Variants in MPP3 observed in about 807,000 individuals in gnomAD.
MPP3 encodes MAGUK p55 subfamily member 3.
MPP3 carries 48 observed loss-of-function variants against 80.7 expected under a neutral mutation model. The observed-to-expected ratio is 0.59, with a 90% confidence interval of 0.47 to 0.76. MPP3 has a LOEUF of 0.76. Ranked by LOEUF, MPP3 falls within the 30% of genes least tolerant of loss-of-function variation. The pLI is 0.00. For synonymous variants in MPP3, 311 were observed against 297.6 expected (o/e 1.04, Z -0.46); for missense variants, 620 against 763.0 (o/e 0.81, Z 2.21).
In MPP3 at chr17:43,814,341, G is replaced by A. The variant is rs369418166; in HGVS notation, c.1030C>T (p.Arg344Trp). 1.2e-5 allele frequency: 19 copies of A among 1,605,646 alleles called. No individual in the cohort carries two copies. Among genetic ancestry groups the A allele is most frequent in the Non-Finnish European group, 1.4e-5 (17 of 1,178,768 alleles). The change falls in exon 15 of 20, where the codon CGG becomes TGG. Residue 344 changes from arginine (R) to tryptophan (W), a missense_variant. Coordinates refer to ENST00000398389, the MANE Select transcript of MPP3 (RefSeq NM_001932.6). Reference sequence around the variant, plus strand: ...CCCAGTCTCTCCCTACAGCCCAGCCGGAAGCTCCTCCGAAGACCAGCTTGG... The same window carrying A: ...CCCAGTCTCTCCCTACAGCCCAGCCAGAAGCTCCTCCGAAGACCAGCTTGG... ...HYVAGLRRSF[R>W]LGCRERLGGS... is the part of the protein sequence containing the mutation.
intron 9 of MPP3, chr17:43,825,375 T>G: frequency 5.6e-6 from 1 of 178,612 alleles, no homozygotes; most frequent in South Asian, 1.5e-4. Context: ...AGAAACTCTA[T>G]CCCAACGTTA....
rs746650149 is a variant in MPP3, at chr17:43,818,068, G to A, written c.924C>T (p.Pro308=). 2.4e-5 allele frequency: 38 copies of A among 1,580,374 alleles called. No individual in the cohort carries two copies. The highest frequency in any genetic ancestry group is 3.3e-5 in the Non-Finnish European group (38 of 1,162,410). The change falls in exon 12 of 20, where the codon CCC becomes CCT. Residue 308 remains proline, a synonymous_variant. Coordinates refer to ENST00000398389, the MANE Select transcript of MPP3 (RefSeq NM_001932.6). ...YRRAAGTLPS[P]QSLRKPPYDQ... ...CACAGGGGGGCTTCCTGAGGCTCTG[G>A]GGGCTCGGCAGGGTGCCCGCGGCTC...
At chr17:43,826,626 C>T (rs1019538565) in intron 8 of MPP3, among the ~76,000 whole-genome samples, 4 of 152,114 alleles carry the variant, frequency 2.6e-5, no homozygotes, top group East Asian at 1.9e-4. Flanking sequence ...TCTACCCAAA[C>T]GAATCTGGGG....
At chr17:43,827,962 C>T in intron 7 of MPP3, 130 bp from the exon 8 acceptor site, 1 of 802,410 alleles carries the variant, frequency 1.2e-6, no homozygotes. Context: ...GGGACCTTCC[C>T]AATGCTGAAG....
At chr17:43,826,836 T>A (rs542293054) in intron 8 of MPP3, among the ~76,000 whole-genome samples, 2,250 of 145,450 alleles carry the variant, frequency 0.015, 74 homozygotes, top group African/African-American at 0.058. Flanking sequence ...ATATATTTTT[T>A]TTTTTTTTCT....
chr17:43,810,935 G>A lies in MPP3; in HGVS notation c.1350-20C>T. 6.4e-7 allele frequency: 1 copy of A among 1,566,748 alleles called. No individual in the cohort carries two copies. The highest frequency in any genetic ancestry group is 1.2e-5 in the South Asian group (1 of 86,064). ...AGGAACCTAAAACACCACCAAAGGG[G>A]AAAAGGCCTTTAGTTCCTCAGCTTT... On this transcript the variant is annotated intron_variant, in intron 17 of 19. Transcript: ENST00000398389.
chr17:43,817,991 CCCTCG>C, intron 12 of MPP3, 50 bp downstream of exon 12: 1 of 1,497,128 alleles, frequency 6.7e-7, no homozygotes, highest in Non-Finnish European at 9.0e-7. Flanking sequence ...CCTGAATCCT[CCCTCG>C]CCCTAACCCC....
chr17:43,815,919 A>T, intron 14 of MPP3, 119 bp downstream of exon 14: 1 of 933,434 alleles, frequency 1.1e-6, no homozygotes, highest in Non-Finnish European at 1.6e-6. Context: ...GGGGTCCCAT[A>T]GGCTCCACTG....
intron 18 of MPP3, among the ~76,000 whole-genome samples, chr17:43,810,195 GA>G (rs994330832): frequency 4.6e-5 from 7 of 151,948 alleles, no homozygotes; most frequent in Admixed American, 6.6e-5. Context: ...CTATAGAGGG[GA>G]AAAAAAATCC....
chr17:43,827,719 G>A, intron 8 of MPP3, 32 bp downstream of exon 8: 1 of 1,603,594 alleles, frequency 6.2e-7, no homozygotes, highest in East Asian at 2.2e-5. Context: ...CCATGATCGG[G>A]GCTGGGCCAG....
intron 10 of MPP3, 125 bp from the exon 11 acceptor site, chr17:43,821,183 G>T: frequency 1.2e-6 from 1 of 834,980 alleles, no homozygotes; most frequent in Non-Finnish European, 1.9e-6. Context: ...CTTTCAAATA[G>T]AAAGCTACTT....
chr17:43,810,752 T>C, intron 18 of MPP3, 55 bp downstream of exon 18: 1 of 1,201,884 alleles, frequency 8.3e-7, no homozygotes, highest in Non-Finnish European at 1.2e-6. Flanking sequence ...AAATGTACAA[T>C]CCCCTAGTTA....
intron 14 of MPP3, chr17:43,815,753 T>G (rs1368424620): frequency 1.5e-6 from 1 of 649,022 alleles, no homozygotes; most frequent in Admixed American, 2.1e-5. Flanking sequence ...AAACTCCAAT[T>G]GCAATGATGG....
In MPP3 at chr17:43,816,187, T is replaced by C. The variant is rs532480531; in HGVS notation, c.968-108A>G. On this transcript the variant is annotated intron_variant, in intron 13 of 19. Coordinates refer to ENST00000398389, the MANE Select transcript of MPP3 (RefSeq NM_001932.6). ...GCAGGAAGAGCCCCCTGGGATGGTG[T>C]CTCGTGGGGAGCTCAGGGGAAATCC... is the stretch of plus-strand genomic sequence containing the variant. The C allele has an allele frequency of 9.6e-6, 9 of 933,364 alleles. No individual in the cohort carries two copies. In the African/African-American group the frequency reaches 1.4e-4, roughly 14 times the overall value. The allele number at this position is 933,364 out of a possible 1,614,324, so 57.8% of individuals were successfully genotyped here.
chr17:43,816,612 C>T (rs571292440), intron 13 of MPP3, 65 bp downstream of exon 13: 2 of 1,468,816 alleles, frequency 1.4e-6, no homozygotes, highest in South Asian at 2.4e-5. Flanking sequence ...ACGAGCCCCT[C>T]AGGCCCCAGA....
chr17:43,809,615 C>T (rs2044759033), intron 18 of MPP3, among the ~76,000 whole-genome samples: 1 of 152,138 alleles, frequency 6.6e-6, no homozygotes, highest in Non-Finnish European at 1.5e-5. Context: ...TGCGGTGGCT[C>T]ACACCTGTAA....
chr17:43,824,342 T>G (rs1359459310), intron 9 of MPP3, among the ~76,000 whole-genome samples: 1 of 152,184 alleles, frequency 6.6e-6, no homozygotes, highest in African/African-American at 2.4e-5. Context: ...CAATTCTCCA[T>G]CCCTCCTGAC....
chr17:43,829,944 C>G (rs2045886270), intron 6 of MPP3, 83 bp downstream of exon 6: 1 of 1,552,770 alleles, frequency 6.4e-7, no homozygotes, highest in East Asian at 2.2e-5. Flanking sequence ...AGTCTCCACT[C>G]CTCAGCCTCA....
intron 18 of MPP3, 36 bp downstream of exon 18, chr17:43,810,771 G>C (rs367820898): frequency 7.0e-7 from 1 of 1,433,846 alleles, no homozygotes; most frequent in Non-Finnish European, 9.6e-7. Context: ...TATAAATTCC[G>C]TTAACCAGAA....
Sources: gnomAD v4.1 joint callset for allele counts (sites outside exome capture counted in the v4.1 genomes callset) on GRCh38, gnomAD v4.1.1 for gene constraint, MANE v1.5 for transcripts, NCBI Gene and HGNC (gene_info 2026-07-23, HGNC 2026-07-21) for gene names.